The following KCNIP4 variants were observed in gnomAD, a reference collection of about 807,000 sequenced individuals.
The protein encoded by KCNIP4 is Kv channel-interacting protein 4.
Under a neutral mutation model 34.0 loss-of-function variants are expected in KCNIP4, and 12 were observed. The ratio of observed to expected loss-of-function variants is 0.35; its 90% CI spans 0.23 to 0.57. The LOEUF is 0.57. Among genes scored for constraint, KCNIP4 ranks in the 20% least tolerant of loss-of-function variants. The pLI is 0.83. For missense variants in KCNIP4, 238 were observed against 311.7 expected, an observed-to-expected ratio of 0.76 and a Z score of 1.78; for synonymous variants, 124 against 102.2, an observed-to-expected ratio of 1.21 and a Z score of -1.29.
chr4:21,866,639 G>A (rs944117278), intron 1 of KCNIP4, among the ~76,000 whole-genome samples: 1 of 151,982 alleles, frequency 6.6e-6, no homozygotes, highest in African/African-American at 2.4e-5. Context: ...CATGCACATC[G>A]ACAATGACAA....
Position 21,103,577 on chromosome 4 carries a change from CTTTAT to C in KCNIP4, c.62-220873_62-220869del, listed in dbSNP as rs544880490. Among the ~76,000 whole-genome samples, 576 of 150,890 alleles carry C rather than the reference CTTTAT, an allele frequency of 3.8e-3. 1 individual carries two copies. The highest frequency in any genetic ancestry group is 0.013 in the African/African-American group (548 of 41,160). On this transcript the variant is annotated intron_variant, in intron 1 of 8. Coordinates refer to ENST00000382152, the MANE Select transcript of KCNIP4 (RefSeq NM_025221.6). ...AGCGAAGTTTTTGGAGCATTTTTTACTTTATTTTATTTTATTATTATTATACTTTA... is the reference window on the plus strand; with the variant it reads ...AGCGAAGTTTTTGGAGCATTTTTTACTTTATTTTATTATTATTATACTTTA...
intron 1 of KCNIP4, among the ~76,000 whole-genome samples, chr4:21,639,124 T>G (rs2109227871): frequency 6.6e-6 from 1 of 152,312 alleles, no homozygotes; most frequent in East Asian, 1.9e-4. Context: ...AATGAGAATG[T>G]AAGAAGATTT....
At chr4:21,033,659 G>A (rs1415590901) in intron 1 of KCNIP4, among the ~76,000 whole-genome samples, 1 of 152,100 alleles carries the variant, frequency 6.6e-6, no homozygotes, top group Non-Finnish European at 1.5e-5. Context: ...GGTATGGTAG[G>A]TACCTGATAA....
intron 3 of KCNIP4, among the ~76,000 whole-genome samples, chr4:20,846,762 G>C (rs1351114649): frequency 6.6e-6 from 1 of 152,074 alleles, no homozygotes. Context: ...ATCACTAATA[G>C]GTCATTTCTT....
chr4:21,417,631 C>T (rs766206894), intron 1 of KCNIP4, among the ~76,000 whole-genome samples: 7 of 151,908 alleles, frequency 4.6e-5, no homozygotes, highest in Non-Finnish European at 8.8e-5. Flanking sequence ...TTGGCCCACC[C>T]GATGTTTGTT....
intron 1 of KCNIP4, among the ~76,000 whole-genome samples, chr4:21,820,130 G>A (rs1374381630): frequency 1.3e-5 from 2 of 151,356 alleles, no homozygotes; most frequent in African/African-American, 4.8e-5. Context: ...AATATCAAAT[G>A]ATCATAAAAA....
intron 1 of KCNIP4, among the ~76,000 whole-genome samples, chr4:21,443,128 T>C (rs1272352385): frequency 2.6e-5 from 4 of 152,192 alleles, no homozygotes; most frequent in Admixed American, 6.5e-5. Flanking sequence ...CTCTATCTTA[T>C]CCAAACCCCA....
intron 1 of KCNIP4, among the ~76,000 whole-genome samples, chr4:21,087,831 T>G (rs1158483595): frequency 6.6e-6 from 1 of 152,158 alleles, no homozygotes; most frequent in African/African-American, 2.4e-5. Flanking sequence ...ATTCTTCTTT[T>G]CTCTCCAGCC....
chr4:21,678,651 T>C (rs1238511004), intron 1 of KCNIP4, among the ~76,000 whole-genome samples: 1 of 152,226 alleles, frequency 6.6e-6, no homozygotes, highest in Non-Finnish European at 1.5e-5. Context: ...GCCTGCCTTG[T>C]GACTTCTGCA....
At chr4:21,598,453 A>C (rs1049924947) in intron 1 of KCNIP4, among the ~76,000 whole-genome samples, 2 of 152,236 alleles carry the variant, frequency 1.3e-5, no homozygotes, top group South Asian at 4.1e-4. Flanking sequence ...AAAACTAGCT[A>C]TAGGAGATAT....
At chr4:21,716,371 T>A (rs1172078285) in intron 1 of KCNIP4, among the ~76,000 whole-genome samples, 1 of 152,086 alleles carries the variant, frequency 6.6e-6, no homozygotes, top group Admixed American at 6.6e-5. Flanking sequence ...TGAGTGGCTG[T>A]GATTACAGGT....
At chr4:20,776,054 A>G (rs902437019) in intron 3 of KCNIP4, among the ~76,000 whole-genome samples, 1 of 152,208 alleles carries the variant, frequency 6.6e-6, no homozygotes, top group Admixed American at 6.5e-5. Context: ...AATCCCAACA[A>G]TTCTACCACA....
At chr4:21,840,230 A>C (rs1723593712) in intron 1 of KCNIP4, among the ~76,000 whole-genome samples, 1 of 151,732 alleles carries the variant, frequency 6.6e-6, no homozygotes, top group Admixed American at 6.6e-5. Flanking sequence ...AACTCCACCA[A>C]CCAGCCCCAG....
At chr4:21,382,386 T>G (rs569315618) in intron 1 of KCNIP4, among the ~76,000 whole-genome samples, 15 of 152,150 alleles carry the variant, frequency 9.9e-5, no homozygotes, top group Non-Finnish European at 2.1e-4. Flanking sequence ...CATATTAAAA[T>G]TGAGGATAGT....
chr4:20,986,456 C>T (rs1736587061), intron 1 of KCNIP4, among the ~76,000 whole-genome samples: 1 of 151,958 alleles, frequency 6.6e-6, no homozygotes. Context: ...TCTGAAATTT[C>T]CACCAACGTT....
chr4:21,303,976 C>T (rs1460342785), intron 1 of KCNIP4: 1 of 1,431,488 alleles, frequency 7.0e-7, no homozygotes, highest in Non-Finnish European at 9.3e-7. Flanking sequence ...TTTGTAAAGC[C>T]ATTAAACTAC....
intron 1 of KCNIP4, chr4:21,844,397 A>T (rs930326209): frequency 6.6e-6 from 1 of 152,080 alleles, no homozygotes; most frequent in Non-Finnish European, 1.5e-5. Flanking sequence ...ATAAGAAAAA[A>T]AGCTGGTTGG....
intron 1 of KCNIP4, among the ~76,000 whole-genome samples, chr4:21,272,838 C>A (rs17458108): frequency 0.043 from 6,616 of 152,212 alleles, 193 homozygotes; most frequent in Middle Eastern, 0.072. Flanking sequence ...TAATGGAATT[C>A]TAAGGTTCTC....
chr4:21,317,143 G>A (rs1222621224), intron 1 of KCNIP4, among the ~76,000 whole-genome samples: 1 of 152,094 alleles, frequency 6.6e-6, no homozygotes, highest in Non-Finnish European at 1.5e-5. Flanking sequence ...TTAGCAAAGG[G>A]AAAACTTGGC....
Sources: gnomAD v4.1 joint callset for allele counts (sites outside exome capture counted in the v4.1 genomes callset) on GRCh38, gnomAD v4.1.1 for gene constraint, MANE v1.5 for transcripts, NCBI Gene and HGNC (gene_info 2026-07-23, HGNC 2026-07-21) for gene names.